Variants in SIPA1L1 observed in about 807,000 individuals in gnomAD.
SIPA1L1 encodes the protein signal induced proliferation associated 1 like 1, also known as signal-induced proliferation-associated 1-like protein 1.
Under a neutral mutation model 162.7 loss-of-function variants are expected in SIPA1L1, and 26 were observed. The observed-to-expected ratio is 0.16, with a 90% confidence interval of 0.12 to 0.22. The LOEUF is 0.22. Ranked by LOEUF, SIPA1L1 falls within the 10% of genes least tolerant of loss-of-function variation. The probability of loss-of-function intolerance (pLI) is 1.00; values close to 1 mark genes in which losing one functional copy is unlikely to be tolerated. For missense variants in SIPA1L1, 1,874 were observed against 2,241.0 expected (o/e 0.84, Z 3.31); for synonymous variants, 829 against 837.4 (o/e 0.99, Z 0.17).
intron 3 of SIPA1L1, among the ~76,000 whole-genome samples, chr14:71,528,542 T>C (rs1413838744): frequency 2.0e-5 from 3 of 151,966 alleles, no homozygotes; most frequent in African/African-American, 7.3e-5. Context: ...CTAGTTCAGC[T>C]ACTCGGGAGG....
At position 71,661,256 on chromosome 14, in the gene SIPA1L1, G is replaced by A. The variant is rs1478765176; in HGVS notation, c.2098-54G>A. 7.0e-6 allele frequency: 11 copies of A among 1,581,092 alleles called. No homozygotes were observed. In the African/African-American group the frequency reaches 9.4e-5, roughly 14 times the overall value. ...TACAGCTATATAAGGGAATTGGGGT[G>A]GCGGGGGAAGCAAATGATTGTTATT... On this transcript the variant is annotated intron_variant, in intron 9 of 23. Coordinates refer to ENST00000381232, the MANE Select transcript of SIPA1L1 (RefSeq NM_001386936.1).
At chr14:71,334,879 C>T (rs2034926067) in intron 2 of SIPA1L1, among the ~76,000 whole-genome samples, 1 of 151,992 alleles carries the variant, frequency 6.6e-6, no homozygotes, top group African/African-American at 2.4e-5. Context: ...AAGCATCAGT[C>T]TTGTATTTTT....
intron 2 of SIPA1L1, among the ~76,000 whole-genome samples, chr14:71,355,552 A>G (rs1485182444): frequency 2.0e-5 from 3 of 152,238 alleles, no homozygotes. Flanking sequence ...ACACTGCAGG[A>G]TTCTCCATAA....
intron 12 of SIPA1L1, among the ~76,000 whole-genome samples, chr14:71,675,015 G>A (rs2149416334): frequency 6.6e-6 from 1 of 152,362 alleles, no homozygotes; most frequent in Middle Eastern, 3.4e-3. Flanking sequence ...AGAATCAGCA[G>A]TGATGTGCTG....
intron 2 of SIPA1L1, among the ~76,000 whole-genome samples, chr14:71,329,589 C>T (rs1258463002): frequency 2.0e-5 from 3 of 152,036 alleles, no homozygotes; most frequent in Non-Finnish European, 4.4e-5. Flanking sequence ...TAATGGTGTA[C>T]ACCACCACAC....
chr14:71,370,270 G>C (rs2038755745), intron 2 of SIPA1L1, among the ~76,000 whole-genome samples: 1 of 151,526 alleles, frequency 6.6e-6, no homozygotes, highest in African/African-American at 2.4e-5. Flanking sequence ...TCCAGTTTTT[G>C]CCCATTCAGT....
intron 2 of SIPA1L1, among the ~76,000 whole-genome samples, chr14:71,428,809 G>C (rs1209943247): frequency 6.6e-6 from 1 of 152,238 alleles, no homozygotes; most frequent in Non-Finnish European, 1.5e-5. Context: ...CTTGCCAGCT[G>C]TGTGCAAACT....
intron 5 of SIPA1L1, among the ~76,000 whole-genome samples, chr14:71,590,029 AAAAAAAAAAAAAAAAAT>A (rs1271671632): frequency 9.8e-5 from 6 of 61,056 alleles, no homozygotes; most frequent in East Asian, 1.6e-3. Flanking sequence ...AGTAAAAAAA[AAAAAAAAAAAAAAAAAT>A]ATATATATAT....
At chr14:71,454,059 A>G (rs1046430577) in intron 2 of SIPA1L1, among the ~76,000 whole-genome samples, 1 of 151,062 alleles carries the variant, frequency 6.6e-6, no homozygotes, top group African/African-American at 2.4e-5. Flanking sequence ...GAGTTCATAG[A>G]TCATCACTTG....
At chr14:71,567,137 G>A (rs2030804202) in intron 4 of SIPA1L1, among the ~76,000 whole-genome samples, 1 of 152,182 alleles carries the variant, frequency 6.6e-6, no homozygotes, top group Non-Finnish European at 1.5e-5. Context: ...GTGGCAGCAA[G>A]CAGGGCCCCC....
intron 2 of SIPA1L1, chr14:71,400,657 G>GTA (rs1217221688): frequency 1.3e-5 from 2 of 150,726 alleles, no homozygotes; most frequent in East Asian, 3.9e-4. Flanking sequence ...ATGTTAATAT[G>GTA]TATATATGTT....
At chr14:71,449,902 T>A (rs1247604162) in intron 2 of SIPA1L1, among the ~76,000 whole-genome samples, 1 of 152,150 alleles carries the variant, frequency 6.6e-6, no homozygotes, top group African/African-American at 2.4e-5. Flanking sequence ...TTGAGAAAAT[T>A]CTCCCACTAA....
chr14:71,627,764 T>C (rs897777955), intron 7 of SIPA1L1, among the ~76,000 whole-genome samples: 5 of 152,214 alleles, frequency 3.3e-5, no homozygotes, highest in Non-Finnish European at 7.3e-5. Flanking sequence ...GATTAAGGCA[T>C]ACAGAAATTC....
At chr14:71,327,160 G>A (rs2033929291) in intron 2 of SIPA1L1, among the ~76,000 whole-genome samples, 1 of 143,736 alleles carries the variant, frequency 7.0e-6, no homozygotes, top group South Asian at 2.2e-4. Flanking sequence ...TCGGCTCACT[G>A]CAACCTCTGC....
intron 2 of SIPA1L1, among the ~76,000 whole-genome samples, chr14:71,440,966 G>A (rs538344632): frequency 1.4e-4 from 22 of 152,210 alleles, no homozygotes; most frequent in African/African-American, 5.1e-4. Context: ...GCATAAAACT[G>A]AAATTGTTTC....
At chr14:71,468,707 G>T (rs2047218775) in intron 2 of SIPA1L1, among the ~76,000 whole-genome samples, 1 of 152,060 alleles carries the variant, frequency 6.6e-6, no homozygotes, top group Non-Finnish European at 1.5e-5. Flanking sequence ...ACAATTCAAA[G>T]AATTATAGCA....
chr14:71,327,980 A>G (rs1434731408), intron 2 of SIPA1L1, among the ~76,000 whole-genome samples: 1 of 152,160 alleles, frequency 6.6e-6, no homozygotes, highest in Non-Finnish European at 1.5e-5. Context: ...GGAAGCCTGA[A>G]TATGGTTCCT....
intron 2 of SIPA1L1, among the ~76,000 whole-genome samples, chr14:71,511,494 GC>G (rs1343427222): frequency 6.6e-6 from 1 of 151,552 alleles, no homozygotes. Flanking sequence ...TCACTTTGTT[GC>G]CCAGGCTGAT....
chr14:71,569,678 G>A (rs2031550366), intron 4 of SIPA1L1, among the ~76,000 whole-genome samples: 1 of 152,160 alleles, frequency 6.6e-6, no homozygotes, highest in Non-Finnish European at 1.5e-5. Flanking sequence ...TGTAGAACTG[G>A]GTTCGAAAAA....
Sources: allele counts gnomAD v4.1 joint callset (sites outside exome capture counted in the v4.1 genomes callset), GRCh38; gene constraint gnomAD v4.1.1; transcripts MANE v1.5; gene names NCBI Gene and HGNC (gene_info 2026-07-23, HGNC 2026-07-21).